Variants in SLC30A9 observed in about 807,000 individuals in gnomAD.
SLC30A9 encodes the protein proton-coupled zinc antiporter SLC30A9, mitochondrial.
SLC30A9 carries 58 observed loss-of-function variants against 87.5 expected under a neutral mutation model. The ratio of observed to expected loss-of-function variants is 0.66; its 90% confidence interval spans 0.54 to 0.82. SLC30A9 has a LOEUF of 0.82. Ranked by LOEUF, SLC30A9 falls within the 40% of genes least tolerant of loss-of-function variation. SLC30A9 has a pLI of 0.00. For missense variants in SLC30A9, 557 were observed against 679.1 expected (o/e 0.82, Z 2.00); for synonymous variants, 234 against 233.0 (o/e 1.00, Z -0.04).
chr4:42,089,566 C>T lies in SLC30A9; in HGVS notation c.*3440C>T, dbSNP rs12512101. On this transcript the variant is annotated 3_prime_UTR_variant, in exon 18 of 18. Coordinates refer to ENST00000264451, the MANE Select transcript of SLC30A9 (RefSeq NM_006345.4). Reference sequence around the variant, plus strand: ...CTGAGTAGCTGGGATTACAGGCATGCGCCACCACACCCGGCTAATTTTGTA... The same window carrying T: ...CTGAGTAGCTGGGATTACAGGCATGTGCCACCACACCCGGCTAATTTTGTA... 0.6 allele frequency: 91,757 copies of T among 152,190 alleles called. 33,033 individuals are homozygous for T. Among genetic ancestry groups the T allele is most frequent in the East Asian group, 0.96 (4,964 of 5,194 alleles). The allele number at this position is 152,190 out of a possible 1,614,324, so 9.4% of individuals were successfully genotyped here.
chr4:42,051,512 T>G (rs1232095436), intron 9 of SLC30A9, among the ~76,000 whole-genome samples: 2 of 152,196 alleles, frequency 1.3e-5, no homozygotes. Context: ...TACAGTCATG[T>G]ATTGAAAGGA....
In SLC30A9 at chr4:42,046,968, A is replaced by T. The variant is rs565830808; in HGVS notation, c.738-2409A>T. Among the ~76,000 whole-genome samples, 5 of 152,304 alleles carry T rather than the reference A, an allele frequency of 3.3e-5. No homozygotes were observed. The East Asian group carries it at 7.7e-4, about 24-fold the overall frequency. ...ATCTGATCTTTGACAAACCTGACAA[A>T]AGCAATGGGGAAAGGATTCCCGATT... On this transcript the variant is annotated intron_variant, in intron 8 of 17. Coordinates refer to ENST00000264451, the MANE Select transcript of SLC30A9 (RefSeq NM_006345.4).
chr4:42,045,461 A>G (rs1226375486), intron 8 of SLC30A9, among the ~76,000 whole-genome samples: 1 of 152,178 alleles, frequency 6.6e-6, no homozygotes, highest in Non-Finnish European at 1.5e-5. Flanking sequence ...TAGAAGATCT[A>G]GAAGAAATGG....
intron 8 of SLC30A9, among the ~76,000 whole-genome samples, chr4:42,048,041 C>T (rs892123437): frequency 6.6e-6 from 1 of 151,460 alleles, no homozygotes; most frequent in South Asian, 2.1e-4. Context: ...AACACATGGA[C>T]ACAGAGAGGG....
chr4:42,052,669 A>G (rs1203348826), intron 9 of SLC30A9, among the ~76,000 whole-genome samples: 1 of 152,244 alleles, frequency 6.6e-6, no homozygotes, highest in Non-Finnish European at 1.5e-5. Context: ...ATAATGTTGG[A>G]AAAATTGGAT....
chr4:42,022,402 AT>A (rs1197250516), intron 4 of SLC30A9, among the ~76,000 whole-genome samples: 6 of 148,602 alleles, frequency 4.0e-5, no homozygotes, highest in Admixed American at 6.7e-5. Context: ...TAATTTTTGT[AT>A]TTTTTTTTAG....
At chr4:42,065,220 G>T in intron 11 of SLC30A9, 90 bp from the exon 12 acceptor site, 1 of 737,630 alleles carries the variant, frequency 1.4e-6, no homozygotes, top group Non-Finnish European at 2.4e-6. Context: ...TTGAATTCGT[G>T]TTTTTGTTTT....
At chr4:42,038,402 A>C (rs1037959477) in intron 7 of SLC30A9, among the ~76,000 whole-genome samples, 2 of 152,152 alleles carry the variant, frequency 1.3e-5, no homozygotes, top group Non-Finnish European at 1.5e-5. Context: ...CGTAAGCAGC[A>C]TTCTATTGTT....
At chr4:42,039,141 C>A in intron 8 of SLC30A9, 88 bp downstream of exon 8, 1 of 975,748 alleles carries the variant, frequency 1.0e-6, no homozygotes, top group Non-Finnish European at 1.6e-6. Context: ...TACATGGTAG[C>A]TAGCTATAGA....
chr4:42,053,834 T>G (rs1717489945), intron 9 of SLC30A9, among the ~76,000 whole-genome samples: 2 of 151,000 alleles, frequency 1.3e-5, no homozygotes, highest in Non-Finnish European at 2.9e-5. Flanking sequence ...TACAATGGAA[T>G]ATTATCTGGC....
chr4:42,082,051 A>T (rs1273117394), intron 17 of SLC30A9, among the ~76,000 whole-genome samples: 1 of 151,990 alleles, frequency 6.6e-6, no homozygotes, highest in Non-Finnish European at 1.5e-5. Flanking sequence ...CCCCGTCTCT[A>T]CTAAAAATAC....
In SLC30A9 at chr4:42,001,641, A is replaced by G; in HGVS notation, c.135A>G (p.Gly45=). Reference sequence around the variant, plus strand: ...AGTGGCAGAATTTAGTGACATTTGGAAGCTTTTCAAACATGGTTCCCTGTA... The same window carrying G: ...AGTGGCAGAATTTAGTGACATTTGGGAGCTTTTCAAACATGGTTCCCTGTA... ...RQEWQNLVTF[G]SFSNMVPCSH... The change falls in exon 2 of 18, where the codon GGA becomes GGG. Residue 45 remains glycine, a synonymous_variant. Transcript: ENST00000264451. 13 of 1,596,254 alleles carry G rather than the reference A, an allele frequency of 8.1e-6. No individual in the cohort carries two copies. Among genetic ancestry groups the G allele is most frequent in the East Asian group, 2.2e-5 (1 of 44,610 alleles).
intron 8 of SLC30A9, among the ~76,000 whole-genome samples, chr4:42,039,713 G>T (rs181403325): frequency 3.3e-5 from 5 of 151,812 alleles, no homozygotes; most frequent in Admixed American, 2.6e-4. Flanking sequence ...TGCCCACCTC[G>T]GCCTCCCAAA....
chr4:41,996,578 A>C (rs939398650), intron 1 of SLC30A9, among the ~76,000 whole-genome samples: 2 of 152,012 alleles, frequency 1.3e-5, no homozygotes, highest in African/African-American at 2.4e-5. Context: ...ATCTCTACAA[A>C]AAAAAATTAA....
At position 42,061,932 on chromosome 4, in the gene SLC30A9, C is replaced by T. The variant is rs1344373485; in HGVS notation, c.897-1054C>T. Among the ~76,000 whole-genome samples, 44 of 139,022 alleles carry T rather than the reference C, an allele frequency of 3.2e-4. 1 individual carries two copies. The East Asian group carries it at 8.4e-3, about 26-fold the overall frequency. The allele number at this position is 139,022 out of a possible 152,430, so 91.2% of individuals were successfully genotyped here. A position where few individuals can be genotyped will look rare whatever the true frequency, so the allele number is the denominator to read the frequency against. On this transcript the variant is annotated intron_variant, in intron 10 of 17. Coordinates refer to ENST00000264451, the MANE Select transcript of SLC30A9 (RefSeq NM_006345.4). ...AAAAAATGTCGGGCGCGGTGGCCCA[C>T]GCCTGTAATCCCAGCACTTTGGGAG...
chr4:42,021,145 T>G (rs1375198120), intron 4 of SLC30A9, among the ~76,000 whole-genome samples: 1 of 152,198 alleles, frequency 6.6e-6, no homozygotes, highest in Non-Finnish European at 1.5e-5. Flanking sequence ...AAATAGGTAT[T>G]CCTATAATTT....
Position 42,020,489 on chromosome 4 carries a change from G to A in SLC30A9, c.408G>A (p.Ala136=), listed in dbSNP as rs868523502. 4 of 1,596,982 alleles carry A rather than the reference G, an allele frequency of 2.5e-6. No individual in the cohort carries two copies. Among genetic ancestry groups the A allele is most frequent in the East Asian group, 2.3e-5 (1 of 44,432 alleles). ...ATAATTTCATCACTGGAGTCAGAGC[G>A]ATAAATGAGTTCTGCCTCAAATCCA... is the stretch of plus-strand genomic sequence containing the variant. The part of the protein sequence containing the change: ...TQNNFITGVR[A]INEFCLKSSD... The change falls in exon 4 of 18, where the codon GCG becomes GCA. Residue 136 remains alanine, a synonymous_variant. Coordinates refer to ENST00000264451, the MANE Select transcript of SLC30A9 (RefSeq NM_006345.4).
At chr4:42,067,040 A>T in intron 13 of SLC30A9, 45 bp from the exon 14 acceptor site, 1 of 1,160,350 alleles carries the variant, frequency 8.6e-7, no homozygotes. Context: ...GTATCAAGTT[A>T]AGATTTTAGA....
chr4:42,061,155 T>TA (rs1214725218), intron 10 of SLC30A9, among the ~76,000 whole-genome samples: 1 of 152,226 alleles, frequency 6.6e-6, no homozygotes, highest in African/African-American at 2.4e-5. Flanking sequence ...GGTATTTTTA[T>TA]AGTCTACTTT....
Sources: gnomAD v4.1 joint callset for allele counts (sites outside exome capture counted in the v4.1 genomes callset) on GRCh38, gnomAD v4.1.1 for gene constraint, MANE v1.5 for transcripts, NCBI Gene and HGNC (gene_info 2026-07-23, HGNC 2026-07-21) for gene names.